Variants in HERC1 observed in about 807,000 individuals in gnomAD.
HERC1 encodes the protein HECT and RLD domain containing E3 ubiquitin protein ligase family member 1.
In HERC1, 160 loss-of-function variants were observed where a neutral mutation model predicts 554.3. The observed-to-expected ratio is 0.29, with a 90% CI of 0.25 to 0.33. The LOEUF is 0.33. HERC1 is among the 10% of genes least tolerant of loss of function. The pLI, the probability that HERC1 is intolerant of heterozygous loss-of-function variation, is 1.00. For synonymous variants in HERC1, 2,175 were observed against 2,131.7 expected, an observed-to-expected ratio of 1.02 and a Z score of -0.56; for missense variants, 4,919 against 5,918.5, an observed-to-expected ratio of 0.83 and a Z score of 5.54.
Position 63,774,689 on chromosome 15 carries a change from C to T in HERC1, c.930+5G>A. 5 of 1,582,194 alleles carry T rather than the reference C, an allele frequency of 3.2e-6. No individual in the cohort carries two copies. The highest frequency in any genetic ancestry group is 4.3e-6 in the Non-Finnish European group (5 of 1,164,724). On this transcript the variant is annotated splice_donor_5th_base_variant and intron_variant, in intron 2 of 77. Transcript: ENST00000443617. ...AACTTTAAAGTTGAGACTTATAGTA[C>T]GTACCAAAGAACGCCTCATCTGCAT...
At chr15:63,609,975 A>T (rs550249970) in intron 77 of HERC1, among the ~76,000 whole-genome samples, 1 of 152,344 alleles carries the variant, frequency 6.6e-6, no homozygotes, top group Non-Finnish European at 1.5e-5. Context: ...TGAGGCAAAG[A>T]CTATGAGGAA....
intron 1 of HERC1, among the ~76,000 whole-genome samples, chr15:63,784,809 C>G (rs1468712988): frequency 1.3e-5 from 2 of 152,216 alleles, no homozygotes; most frequent in Non-Finnish European, 2.9e-5. Flanking sequence ...TGGGGTTTCA[C>G]TGTGTTGGCC....
intron 1 of HERC1, among the ~76,000 whole-genome samples, chr15:63,824,089 G>A (rs1567165209): frequency 6.6e-6 from 1 of 152,048 alleles, no homozygotes; most frequent in Non-Finnish European, 1.5e-5. Flanking sequence ...ACCACAATGA[G>A]GTATCACCTG....
At chr15:63,803,472 A>C (rs544016010) in intron 1 of HERC1, among the ~76,000 whole-genome samples, 29 of 151,662 alleles carry the variant, frequency 1.9e-4, no homozygotes, top group Admixed American at 3.9e-4. Context: ...CCCAGGCTGG[A>C]GTGGCAGCGA....
Position 63,775,190 on chromosome 15 carries a change from G to C in HERC1, c.434C>G (p.Ser145Cys). The change falls in exon 2 of 78, where the codon TCT becomes TGT. Residue 145 changes from serine to cysteine, a missense_variant. By Grantham distance (112) the Ser-to-Cys change is moderately radical. This residue lies in a region of HERC1 where 744 missense variants were observed against 1,090.0 expected (regional missense o/e 0.68). Coordinates refer to ENST00000443617, the MANE Select transcript of HERC1 (RefSeq NM_003922.4). The surrounding 1 kb of genome is among the most constrained non-coding windows in gnomAD (Gnocchi z 4.0). Reference sequence around the variant, plus strand: ...GCTTGACCGGGGGCGTTCACTAACAGAATGGACATCTGCTGAACCAGAACT... The same window carrying C: ...GCTTGACCGGGGGCGTTCACTAACACAATGGACATCTGCTGAACCAGAACT... Reference protein sequence around the residue: ...ESSSGSADVHSVSERPRSSTD... With the variant: ...ESSSGSADVHCVSERPRSSTD... 1 of 1,614,010 alleles carries C rather than the reference G, an allele frequency of 6.2e-7. No homozygotes were observed. Among genetic ancestry groups the C allele is most frequent in the Non-Finnish European group, 8.5e-7 (1 of 1,179,892 alleles).
chr15:63,706,832 CT>C lies in HERC1; in HGVS notation c.4585-2del. ...CCAAATCAACATTTCGTCTGCCACT[CT>C]ATTAAAAGTAAAAAGTAAATAAATA... is the stretch of plus-strand genomic sequence containing the variant. On this transcript the variant is annotated splice_acceptor_variant, in intron 24 of 77. Transcript: ENST00000443617. LOFTEE classifies it high-confidence loss of function. 6.5e-7 allele frequency: 1 copy of C among 1,528,914 alleles called. No homozygotes were observed. The highest frequency in any genetic ancestry group is 8.8e-7 in the Non-Finnish European group (1 of 1,130,174). 94.7% of individuals were successfully genotyped at this position (1,528,914 alleles called of 1,614,324 possible).
intron 18 of HERC1, among the ~76,000 whole-genome samples, chr15:63,724,175 T>C (rs1395099334): frequency 6.6e-6 from 1 of 152,142 alleles, no homozygotes; most frequent in Non-Finnish European, 1.5e-5. Flanking sequence ...ATTGAATAAA[T>C]ATAACAGAAA....
Position 63,749,891 on chromosome 15 carries a change from A to G in HERC1, c.1903-100T>C. ...CTATGAAACTAAAGTGTGGTTTGAT[A>G]GTAAATAACTTTCTGATGTTAAAAT... On this transcript the variant is annotated intron_variant, in intron 8 of 77. Coordinates refer to ENST00000443617, the MANE Select transcript of HERC1 (RefSeq NM_003922.4). The surrounding 1 kb of genome is among the most constrained non-coding windows in gnomAD (Gnocchi z 4.1). 5 of 951,686 alleles carry G rather than the reference A, an allele frequency of 5.3e-6. No individual in the cohort carries two copies. The highest frequency in any genetic ancestry group is 7.5e-6 in the Non-Finnish European group (5 of 670,660). 59.0% of individuals were successfully genotyped at this position (951,686 alleles called of 1,614,324 possible). A position where few individuals can be genotyped will look rare whatever the true frequency, so the allele number is the denominator to read the frequency against.
intron 1 of HERC1, among the ~76,000 whole-genome samples, chr15:63,794,991 G>A (rs1343803842): frequency 2.0e-5 from 3 of 150,936 alleles, no homozygotes; most frequent in African/African-American, 7.3e-5. Context: ...GTTTGAACCT[G>A]GGAGGCGGGG....
chr15:63,725,538 G>T, intron 17 of HERC1, 25 bp from the exon 18 acceptor site: 5 of 1,573,564 alleles, frequency 3.2e-6, no homozygotes, highest in South Asian at 2.2e-5. Flanking sequence ...ATTAGTTATT[G>T]TGTCTTTATC....
intron 3 of HERC1, among the ~76,000 whole-genome samples, chr15:63,760,712 T>A (rs954607633): frequency 6.6e-6 from 1 of 151,926 alleles, no homozygotes; most frequent in African/African-American, 2.4e-5. Flanking sequence ...AGATCCAACA[T>A]GCACATAATA....
intron 1 of HERC1, among the ~76,000 whole-genome samples, chr15:63,824,409 C>T (rs565692592): frequency 6.6e-6 from 1 of 151,948 alleles, no homozygotes; most frequent in Admixed American, 6.6e-5. Flanking sequence ...TGGCAGGCAC[C>T]TGTAGTCCCA....
chr15:63,724,135 T>C (rs1176034084), intron 18 of HERC1, among the ~76,000 whole-genome samples: 1 of 152,160 alleles, frequency 6.6e-6, no homozygotes, highest in Non-Finnish European at 1.5e-5. Context: ...TAAACAGAAA[T>C]TGATTTTCTT....
Position 63,727,538 on chromosome 15 carries a change from C to T in HERC1, c.3346+109G>A. 1 of 666,180 alleles carries T rather than the reference C, an allele frequency of 1.5e-6. No individual in the cohort carries two copies. The highest frequency in any genetic ancestry group is 2.4e-6 in the Non-Finnish European group (1 of 417,278). 41.3% of individuals were successfully genotyped at this position (666,180 alleles called of 1,614,324 possible). A position where few individuals can be genotyped will look rare whatever the true frequency, so the allele number is the denominator to read the frequency against. On this transcript the variant is annotated intron_variant, in intron 17 of 77. Transcript: ENST00000443617. This position sits in a 1 kb window ranked among gnomAD's most constrained non-coding sequence, Gnocchi z 4.3. Reference sequence around the variant, plus strand: ...TTTTAAGATTTCAGTGATGAAATTCCTTTGATAGCCTTAGGATAGATAGAC... The same window carrying T: ...TTTTAAGATTTCAGTGATGAAATTCTTTTGATAGCCTTAGGATAGATAGAC...
At chr15:63,635,405 T>A (rs999965259) in intron 65 of HERC1, among the ~76,000 whole-genome samples, 4 of 152,166 alleles carry the variant, frequency 2.6e-5, no homozygotes, top group African/African-American at 9.7e-5. Flanking sequence ...CTGATCTGTC[T>A]CAACAGCCTC....
rs963359165 is a variant in HERC1 at position 63,814,044 on chromosome 15, C to G, written c.-27+19783G>C. On this transcript the variant is annotated intron_variant, in intron 1 of 77. Transcript: ENST00000443617. ...ATTGCACTCCAGCCTGGGTGACAAGCGCAAAACTCCATCTCAAAAAACAAA... is the reference window on the plus strand; with the variant it reads ...ATTGCACTCCAGCCTGGGTGACAAGGGCAAAACTCCATCTCAAAAAACAAA... Among the ~76,000 whole-genome samples the G allele has an allele frequency of 5.9e-5, 9 of 151,862 alleles. No homozygotes were observed. The South Asian group carries it at 6.2e-4, about 10-fold the overall frequency.
Position 63,655,948 on chromosome 15 carries a change from A to C in HERC1, c.9878T>G (p.Ile3293Ser). The C allele has an allele frequency of 6.2e-7, 1 of 1,611,302 alleles. No individual in the cohort carries two copies. Among genetic ancestry groups the C allele is most frequent in the Non-Finnish European group, 8.5e-7 (1 of 1,178,306 alleles). ...LLVQLCTQNL[I>S]SAATGVNLTT... ...TAGATTTACACCTGTTGCAGCAGAAATCAAGTTCTGAAGAAGCAATTGGAA... is the reference window on the plus strand; with the variant it reads ...TAGATTTACACCTGTTGCAGCAGAACTCAAGTTCTGAAGAAGCAATTGGAA... The change falls in exon 50 of 78, where the codon ATT becomes AGT. Residue 3293 changes from isoleucine (I) to serine (S), a missense_variant. By Grantham distance (142) the Ile-to-Ser change is moderately radical. Transcript: ENST00000443617.
chr15:63,611,896 C>T (rs571887592), intron 77 of HERC1, among the ~76,000 whole-genome samples: 3 of 152,292 alleles, frequency 2.0e-5, no homozygotes, highest in African/African-American at 2.4e-5. Flanking sequence ...AGCAACAAGG[C>T]GCAGAGGGCC....
At chr15:63,744,110 CTGTGTGTGTG>C (rs142936354) in intron 12 of HERC1, among the ~76,000 whole-genome samples, 31 of 93,398 alleles carry the variant, frequency 3.3e-4, no homozygotes, top group East Asian at 1.8e-3. Flanking sequence ...CCCAAACAGA[CTGTGTGTGTG>C]TGTGTGTGTG....
Sources: allele counts gnomAD v4.1 joint callset (sites outside exome capture counted in the v4.1 genomes callset), GRCh38; gene constraint gnomAD v4.1.1; regional missense constraint gnomAD v4.1.1; non-coding constraint Gnocchi (gnomAD v3.1); transcripts MANE v1.5; gene names NCBI Gene and HGNC (gene_info 2026-07-23, HGNC 2026-07-21).